The following CDH10 variants were observed in gnomAD, a reference collection of about 807,000 sequenced individuals.
CDH10 encodes cadherin 10, also known as cadherin-10.
CDH10 carries 30 observed loss-of-function variants against 73.1 expected under a neutral mutation model. The ratio of observed to expected loss-of-function variants is 0.41; its 90% CI spans 0.31 to 0.56. The LOEUF (loss-of-function observed/expected upper bound fraction) is 0.56, where lower values mean the gene tolerates loss of function less well. CDH10 is among the 20% of genes least tolerant of loss of function. The probability of loss-of-function intolerance (pLI) is 0.27; values close to 1 mark genes in which losing one functional copy is unlikely to be tolerated. For synonymous variants in CDH10, 345 were observed against 348.2 expected, an observed-to-expected ratio of 0.99 and a Z score of 0.10; for missense variants, 815 against 973.7, an observed-to-expected ratio of 0.84 and a Z score of 2.17.
At chr5:24,624,424 T>C (rs554172472) in intron 1 of CDH10, among the ~76,000 whole-genome samples, 5 of 152,044 alleles carry the variant, frequency 3.3e-5, no homozygotes, top group Non-Finnish European at 5.9e-5. Context: ...TACTAAGAGA[T>C]AGGAAAATTT....
chr5:24,589,138 G>A (rs1285345154), intron 2 of CDH10, among the ~76,000 whole-genome samples: 2 of 152,056 alleles, frequency 1.3e-5, no homozygotes, highest in African/African-American at 4.8e-5. Flanking sequence ...TACCTAGAAG[G>A]TCCTCCATAT....
At chr5:24,559,947 GT>G (rs1024793876) in intron 2 of CDH10, among the ~76,000 whole-genome samples, 2 of 152,054 alleles carry the variant, frequency 1.3e-5, no homozygotes, top group African/African-American at 4.8e-5. Context: ...GTGTTTTAAA[GT>G]GTGACTTTAT....
chr5:24,601,786 G>A (rs910413381), intron 1 of CDH10, among the ~76,000 whole-genome samples: 1 of 151,880 alleles, frequency 6.6e-6, no homozygotes, highest in Non-Finnish European at 1.5e-5. Flanking sequence ...ATGGGTTAAA[G>A]TCGTAAATTA....
chr5:24,576,103 T>C (rs1745590233), intron 2 of CDH10, among the ~76,000 whole-genome samples: 1 of 152,164 alleles, frequency 6.6e-6, no homozygotes. Context: ...TTAATTATTT[T>C]AGGGCATTTA....
intron 1 of CDH10, among the ~76,000 whole-genome samples, chr5:24,617,541 AT>A (rs1328922598): frequency 6.6e-6 from 1 of 152,210 alleles, no homozygotes; most frequent in Non-Finnish European, 1.5e-5. Flanking sequence ...GCCAATATAA[AT>A]TCTAAATGAC....
At position 24,619,212 on chromosome 5, in the gene CDH10, G is replaced by C. The variant is rs73054526; in HGVS notation, c.-124+25382C>G. On this transcript the variant is annotated intron_variant, in intron 1 of 11. Coordinates refer to ENST00000264463, the MANE Select transcript of CDH10 (RefSeq NM_006727.5). ...TTTAGATGATTTTTTTTTTTCTTTT[G>C]AGACGTAGTCTCACTCTGCCACCCA... 3.4e-3 allele frequency among the ~76,000 whole-genome samples: 508 copies of C among 148,490 alleles called. 4 individuals are homozygous for C. Among genetic ancestry groups the C allele is most frequent in the African/African-American group, 0.012 (476 of 40,390 alleles).
intron 2 of CDH10, among the ~76,000 whole-genome samples, chr5:24,573,666 A>C (rs1207316295): frequency 6.7e-6 from 1 of 148,334 alleles, no homozygotes; most frequent in Non-Finnish European, 1.5e-5. Context: ...GCGCCACTGC[A>C]GTCCAGCCTG....
At chr5:24,508,553 G>A (rs1055073189) in intron 7 of CDH10, among the ~76,000 whole-genome samples, 2 of 150,768 alleles carry the variant, frequency 1.3e-5, no homozygotes, top group South Asian at 4.1e-4. Context: ...AAGACAGGGT[G>A]TTGCTTTGTC....
At chr5:24,620,376 A>C (rs543056291) in intron 1 of CDH10, among the ~76,000 whole-genome samples, 1 of 152,312 alleles carries the variant, frequency 6.6e-6, no homozygotes, top group East Asian at 1.9e-4. Flanking sequence ...TGGTTGAGAA[A>C]AAAAATTATT....
intron 1 of CDH10, among the ~76,000 whole-genome samples, chr5:24,626,086 G>A (rs1220567265): frequency 2.6e-5 from 4 of 151,842 alleles, no homozygotes; most frequent in Admixed American, 6.6e-5. Context: ...CAAAGTCAAC[G>A]CAAAAAATAA....
intron 1 of CDH10, among the ~76,000 whole-genome samples, chr5:24,636,212 T>A (rs1158271737): frequency 6.6e-6 from 1 of 151,940 alleles, no homozygotes; most frequent in African/African-American, 2.4e-5. Context: ...ATGATGTAAG[T>A]ATAATTATTA....
At chr5:24,631,873 G>T (rs1450310743) in intron 1 of CDH10, among the ~76,000 whole-genome samples, 1 of 152,046 alleles carries the variant, frequency 6.6e-6, no homozygotes, top group African/African-American at 2.4e-5. Context: ...TTAGTGTGGA[G>T]TTGGAATCAA....
At chr5:24,574,799 G>C (rs1289151795) in intron 2 of CDH10, among the ~76,000 whole-genome samples, 1 of 67,058 alleles carries the variant, frequency 1.5e-5, no homozygotes, top group Admixed American at 1.6e-4. Context: ...CAAATACTAA[G>C]ATATTATTTT....
intron 2 of CDH10, among the ~76,000 whole-genome samples, chr5:24,589,709 T>C (rs1002697746): frequency 6.6e-6 from 1 of 152,038 alleles, no homozygotes; most frequent in Non-Finnish European, 1.5e-5. Flanking sequence ...TTACTTTAGA[T>C]TTGAAGATAT....
At chr5:24,611,633 C>G (rs1746953480) in intron 1 of CDH10, among the ~76,000 whole-genome samples, 1 of 151,898 alleles carries the variant, frequency 6.6e-6, no homozygotes, top group Non-Finnish European at 1.5e-5. Context: ...AAGAGGGTCC[C>G]CCACCAATGG....
At chr5:24,582,441 T>C (rs868744477) in intron 2 of CDH10, among the ~76,000 whole-genome samples, 1 of 152,108 alleles carries the variant, frequency 6.6e-6, no homozygotes, top group Non-Finnish European at 1.5e-5. Flanking sequence ...CAGACACTAT[T>C]ATCACAAAAT....
chr5:24,535,492 GGCCTAT>G (rs1743918220), intron 4 of CDH10, among the ~76,000 whole-genome samples: 1 of 151,952 alleles, frequency 6.6e-6, no homozygotes, highest in South Asian at 2.1e-4. Context: ...TGCTTTGAGT[GGCCTAT>G]GCTTATATGT....
rs1001227038 is a variant in CDH10, at chr5:24,586,843, C to CTTTTTTTTTTTTTT, written c.231+6403_231+6416dup. On this transcript the variant is annotated intron_variant, in intron 2 of 11. Coordinates refer to ENST00000264463, the MANE Select transcript of CDH10 (RefSeq NM_006727.5). Reference sequence around the variant, plus strand: ...GTAAAACAATAAGATAGCCCATATTCTTTTTTTTTTTTTTTTTTTGAGCCG... The same window carrying CTTTTTTTTTTTTTT: ...GTAAAACAATAAGATAGCCCATATTCTTTTTTTTTTTTTTTTTTTTTTTTTTTTTTTTTGAGCCG... 2.5e-4 allele frequency among the ~76,000 whole-genome samples: 26 copies of CTTTTTTTTTTTTTT among 102,744 alleles called. 3 individuals are homozygous for CTTTTTTTTTTTTTT. The highest frequency in any genetic ancestry group is 7.1e-4 in the African/African-American group (17 of 23,780). The allele number at this position is 102,744 out of a possible 152,430, so 67.4% of individuals were successfully genotyped here.
chr5:24,513,436 T>C (rs530990154), intron 5 of CDH10, among the ~76,000 whole-genome samples: 38 of 152,274 alleles, frequency 2.5e-4, no homozygotes, highest in African/African-American at 8.4e-4. Context: ...GACTGTTTGT[T>C]GGGCTATGCC....
Sources: gnomAD v4.1 joint callset for allele counts (sites outside exome capture counted in the v4.1 genomes callset) on GRCh38, gnomAD v4.1.1 for gene constraint, MANE v1.5 for transcripts, NCBI Gene and HGNC (gene_info 2026-07-23, HGNC 2026-07-21) for gene names.